The following RCAN2 variants were observed in gnomAD, a reference collection of about 807,000 sequenced individuals.
The protein encoded by RCAN2 is calcipressin-2.
A neutral mutation model predicts 23.6 loss-of-function variants in RCAN2; 9 were observed. The ratio of observed to expected loss-of-function variants is 0.38; its 90% confidence interval spans 0.23 to 0.67. RCAN2 has a LOEUF of 0.67. Among genes scored for constraint, RCAN2 ranks in the 30% least tolerant of loss-of-function variants. RCAN2 has a pLI of 0.51. For synonymous variants in RCAN2, 109 were observed against 115.7 expected, an observed-to-expected ratio of 0.94 and a Z score of 0.37; for missense variants, 273 against 302.3, an observed-to-expected ratio of 0.90 and a Z score of 0.72.
intron 1 of RCAN2, among the ~76,000 whole-genome samples, chr6:46,473,665 C>A (rs891001450): frequency 6.6e-6 from 1 of 152,070 alleles, no homozygotes; most frequent in South Asian, 2.1e-4. Flanking sequence ...CCAAAACTAA[C>A]TTGGGATTTT....
At chr6:46,487,069 A>C (rs1226260408) in intron 1 of RCAN2, among the ~76,000 whole-genome samples, 1 of 152,240 alleles carries the variant, frequency 6.6e-6, no homozygotes, top group Non-Finnish European at 1.5e-5. Flanking sequence ...AGGAAGACAA[A>C]GCACATATCT....
intron 2 of RCAN2, among the ~76,000 whole-genome samples, chr6:46,273,294 A>AAG (rs1767577069): frequency 6.6e-6 from 1 of 152,182 alleles, no homozygotes; most frequent in Non-Finnish European, 1.5e-5. Flanking sequence ...CAGAATTCAC[A>AAG]ATTTCTCTGC....
rs184708035 is a variant in RCAN2, at chr6:46,223,006, G to A, written c.*135C>T. The A allele has an allele frequency of 7.9e-4, 707 of 891,052 alleles. No individual in the cohort carries two copies. Among genetic ancestry groups the A allele is most frequent in the Non-Finnish European group, 1.1e-3 (623 of 569,948 alleles). The allele number at this position is 891,052 out of a possible 1,614,324, so 55.2% of individuals were successfully genotyped here. On this transcript the variant is annotated 3_prime_UTR_variant, in exon 5 of 5. Coordinates refer to ENST00000371374, the MANE Select transcript of RCAN2 (RefSeq NM_001251974.2). The stretch of plus-strand genomic sequence containing the variant: ...TCACCTTTTCCTAGCCCTTTTGTCC[G>A]AGAGGCTTGATAACAAGGAAGGAAT...
intron 2 of RCAN2, among the ~76,000 whole-genome samples, chr6:46,405,839 G>A (rs1372907698): frequency 3.9e-5 from 6 of 152,210 alleles, no homozygotes; most frequent in Admixed American, 6.5e-5. Context: ...TGGGAGGCTC[G>A]GGCCGCACAG....
chr6:46,267,436 T>G (rs1767373201), intron 2 of RCAN2, among the ~76,000 whole-genome samples: 1 of 152,152 alleles, frequency 6.6e-6, no homozygotes, highest in Admixed American at 6.5e-5. Flanking sequence ...ATCCCAGCAC[T>G]CTGGGAGGCC....
intron 2 of RCAN2, among the ~76,000 whole-genome samples, chr6:46,452,685 A>C (rs1767915587): frequency 6.6e-6 from 1 of 152,202 alleles, no homozygotes; most frequent in South Asian, 2.1e-4. Context: ...TACTACCCTC[A>C]TAGGGTTGTC....
chr6:46,369,597 G>A (rs1196715632), intron 2 of RCAN2, among the ~76,000 whole-genome samples: 7 of 152,026 alleles, frequency 4.6e-5, no homozygotes, highest in Non-Finnish European at 8.8e-5. Context: ...GTCCATCAAT[G>A]ACTAAAATGT....
chr6:46,458,624 T>C (rs984513246), intron 1 of RCAN2, among the ~76,000 whole-genome samples: 11 of 152,224 alleles, frequency 7.2e-5, no homozygotes, highest in African/African-American at 2.6e-4. Flanking sequence ...TTTTATTAAA[T>C]AATCTAAAAT....
chr6:46,388,455 C>T (rs559819488), intron 2 of RCAN2, among the ~76,000 whole-genome samples: 1 of 152,106 alleles, frequency 6.6e-6, no homozygotes, highest in African/African-American at 2.4e-5. Flanking sequence ...TGGATATATA[C>T]CCAAAGGATT....
chr6:46,256,083 T>C (rs1487567376), intron 2 of RCAN2, among the ~76,000 whole-genome samples: 1 of 151,872 alleles, frequency 6.6e-6, no homozygotes. Flanking sequence ...AGAATAGGGG[T>C]TGGAGGCTGG....
chr6:46,424,210 T>C (rs572637082), intron 2 of RCAN2, among the ~76,000 whole-genome samples: 3 of 152,348 alleles, frequency 2.0e-5, no homozygotes, highest in Non-Finnish European at 4.4e-5. Flanking sequence ...TATCCAAATA[T>C]TATCAATTCA....
chr6:46,297,508 C>T (rs1030431968), intron 2 of RCAN2, among the ~76,000 whole-genome samples: 4 of 151,958 alleles, frequency 2.6e-5, no homozygotes, highest in South Asian at 4.2e-4. Flanking sequence ...AGAATAGACA[C>T]CCCCCGCTTT....
chr6:46,340,983 C>A (rs540072170), intron 2 of RCAN2, among the ~76,000 whole-genome samples: 3 of 151,822 alleles, frequency 2.0e-5, no homozygotes, highest in Admixed American at 1.3e-4. Flanking sequence ...AAGACAGAGA[C>A]CAAGGGAGAA....
chr6:46,281,500 G>A (rs1003598313), intron 2 of RCAN2, among the ~76,000 whole-genome samples: 2 of 152,174 alleles, frequency 1.3e-5, no homozygotes, highest in Non-Finnish European at 2.9e-5. Flanking sequence ...TAAGAAAGCA[G>A]GCATGACTTT....
chr6:46,386,832 C>T (rs571495877), intron 2 of RCAN2, among the ~76,000 whole-genome samples: 8 of 152,240 alleles, frequency 5.3e-5, no homozygotes, highest in African/African-American at 1.4e-4. Flanking sequence ...GGAGGCATCA[C>T]GCTACCTGAC....
intron 2 of RCAN2, among the ~76,000 whole-genome samples, chr6:46,307,401 A>T (rs1294595469): frequency 6.6e-6 from 1 of 152,126 alleles, no homozygotes. Context: ...TCAGGCTTCA[A>T]GGCTGAGTGA....
chr6:46,361,097 C>T (rs1281654455), intron 2 of RCAN2, among the ~76,000 whole-genome samples: 2 of 152,146 alleles, frequency 1.3e-5, no homozygotes, highest in African/African-American at 4.8e-5. Context: ...TTCTGAACAC[C>T]TCTGTGCTTC....
In RCAN2 at chr6:46,296,336, CA is replaced by C. The variant is rs753763492; in HGVS notation, c.226-47441del. 7.9e-5 allele frequency among the ~76,000 whole-genome samples: 12 copies of C among 151,480 alleles called. No homozygotes were observed. The East Asian group carries it at 1.7e-3, about 22-fold the overall frequency. On this transcript the variant is annotated intron_variant, in intron 2 of 4. Transcript: ENST00000371374. Reference sequence around the variant, plus strand: ...ATTCACTAGATTATAAAGACTTCACCAATGCAATGTCCTTTGAGATACTTCT... The same window carrying C: ...ATTCACTAGATTATAAAGACTTCACCATGCAATGTCCTTTGAGATACTTCT...
rs1765505078 is a variant in RCAN2, at chr6:46,222,368, T to C, written c.*773A>G. 1 of 162,790 alleles carries C rather than the reference T, an allele frequency of 6.1e-6. No homozygotes were observed. Among genetic ancestry groups the C allele is most frequent in the Non-Finnish European group, 1.3e-5 (1 of 75,124 alleles). The allele number at this position is 162,790 out of a possible 1,614,324, so 10.1% of individuals were successfully genotyped here. ...CCATGAAACTTTTGTAATAAATAGG[T>C]TTGTCTGAAATCAGTCTCTATCACC... On this transcript the variant is annotated 3_prime_UTR_variant, in exon 5 of 5. Coordinates refer to ENST00000371374, the MANE Select transcript of RCAN2 (RefSeq NM_001251974.2).
Sources: gnomAD v4.1 joint callset for allele counts (sites outside exome capture counted in the v4.1 genomes callset) on GRCh38, gnomAD v4.1.1 for gene constraint, MANE v1.5 for transcripts, NCBI Gene and HGNC (gene_info 2026-07-23, HGNC 2026-07-21) for gene names.